Variants in CAMTA1 observed in about 807,000 individuals in gnomAD.
CAMTA1 encodes calmodulin binding transcription activator 1.
Under a neutral mutation model 170.9 loss-of-function variants are expected in CAMTA1, and 27 were observed. That is an observed-to-expected ratio of 0.16 (90% confidence interval 0.12 to 0.22). The LOEUF (loss-of-function observed/expected upper bound fraction) is 0.22, where lower values mean the gene tolerates loss of function less well. Ranked by LOEUF, CAMTA1 falls within the 10% of genes least tolerant of loss-of-function variation. The pLI is 1.00. For missense variants in CAMTA1, 1,619 were observed against 2,217.2 expected (o/e 0.73, Z 5.42); for synonymous variants, 833 against 891.5 (o/e 0.93, Z 1.17).
chr1:7,251,708 G>A lies in CAMTA1; in HGVS notation c.438+2082G>A, dbSNP rs1335943193. ...GTCAAGTTGAAGAGGCTTGAAGTACGTGAGGGTCATCAATAGTGCTGAGAC... is the reference window on the plus strand; with the variant it reads ...GTCAAGTTGAAGAGGCTTGAAGTACATGAGGGTCATCAATAGTGCTGAGAC... On this transcript the variant is annotated intron_variant, in intron 5 of 22. Coordinates refer to ENST00000303635, the MANE Select transcript of CAMTA1 (RefSeq NM_015215.4). The surrounding 1 kb of genome is among the most constrained non-coding windows in gnomAD (Gnocchi z 5.1). Among the ~76,000 whole-genome samples, 3 of 152,172 alleles carry A rather than the reference G, an allele frequency of 2.0e-5. No individual in the cohort carries two copies. The highest frequency in any genetic ancestry group is 4.8e-5 in the African/African-American group (2 of 41,444).
chr1:6,859,705 C>G (rs1663897255), intron 3 of CAMTA1, among the ~76,000 whole-genome samples: 1 of 152,198 alleles, frequency 6.6e-6, no homozygotes, highest in African/African-American at 2.4e-5. Context: ...GGGAGGATCA[C>G]TTGAGCCCAG....
At chr1:7,090,553 C>G (rs1310394842) in intron 3 of CAMTA1, among the ~76,000 whole-genome samples, 1 of 152,200 alleles carries the variant, frequency 6.6e-6, no homozygotes, top group African/African-American at 2.4e-5. Flanking sequence ...ATGCCTCGAG[C>G]TGGAGCAATG....
chr1:6,884,098 G>T (rs1331812944), intron 3 of CAMTA1, among the ~76,000 whole-genome samples: 1 of 152,074 alleles, frequency 6.6e-6, no homozygotes, highest in African/African-American at 2.4e-5. Context: ...CAGGGGAAGT[G>T]TTTAAAGGAA....
At chr1:7,654,814 CA>C (rs2095872373) in intron 7 of CAMTA1, among the ~76,000 whole-genome samples, 1 of 137,870 alleles carries the variant, frequency 7.3e-6, no homozygotes, top group African/African-American at 2.7e-5. Flanking sequence ...CACCCACACA[CA>C]CCACACACAC....
At chr1:7,076,134 G>A (rs577814102) in intron 3 of CAMTA1, among the ~76,000 whole-genome samples, 6 of 152,310 alleles carry the variant, frequency 3.9e-5, no homozygotes, top group Admixed American at 1.3e-4. Context: ...ATGCATCAGG[G>A]TTCCTCTCCT....
intron 5 of CAMTA1, among the ~76,000 whole-genome samples, chr1:7,358,857 G>A (rs2085331107): frequency 1.3e-5 from 2 of 152,130 alleles, no homozygotes; most frequent in South Asian, 2.1e-4. Context: ...GGGTGGCCCC[G>A]GCTTTGTCTC....
At chr1:7,210,709 T>C (rs915386581) in intron 4 of CAMTA1, among the ~76,000 whole-genome samples, 2 of 152,258 alleles carry the variant, frequency 1.3e-5, no homozygotes, top group Non-Finnish European at 2.9e-5. Flanking sequence ...TGTTTAGTAC[T>C]CTGTACCAAA....
At chr1:7,312,385 C>G (rs1676863540) in intron 5 of CAMTA1, among the ~76,000 whole-genome samples, 1 of 64,674 alleles carries the variant, frequency 1.5e-5, no homozygotes, top group Non-Finnish European at 2.7e-5. Flanking sequence ...TGAGCTGCAA[C>G]CAGAGCTTAC....
intron 5 of CAMTA1, among the ~76,000 whole-genome samples, chr1:7,404,205 G>A (rs1282981361): frequency 1.3e-5 from 2 of 152,182 alleles, no homozygotes; most frequent in Non-Finnish European, 2.9e-5. Context: ...ATGGCCCATT[G>A]GCCAACGAGC....
At chr1:7,075,768 T>C (rs1639216714) in intron 3 of CAMTA1, among the ~76,000 whole-genome samples, 1 of 152,034 alleles carries the variant, frequency 6.6e-6, no homozygotes, top group Admixed American at 6.6e-5. Flanking sequence ...GTTCAAGTGA[T>C]TCTTGTGCCT....
chr1:7,302,850 C>T (rs548937523), intron 5 of CAMTA1, among the ~76,000 whole-genome samples: 3 of 152,148 alleles, frequency 2.0e-5, no homozygotes, highest in East Asian at 1.9e-4. Flanking sequence ...CAGACCTGTG[C>T]GAGGCTGGCA....
intron 5 of CAMTA1, among the ~76,000 whole-genome samples, chr1:7,285,426 A>G (rs139762611): frequency 6.6e-6 from 1 of 152,102 alleles, no homozygotes; most frequent in South Asian, 2.1e-4. Context: ...GGCTGCCTCT[A>G]TGGGAACATT....
chr1:7,028,945 A>C (rs1269958193), intron 3 of CAMTA1, among the ~76,000 whole-genome samples: 1 of 152,222 alleles, frequency 6.6e-6, no homozygotes, highest in African/African-American at 2.4e-5. Context: ...GATATGGCAC[A>C]ATTTCAGAGA....
At chr1:7,691,294 G>A (rs1005225994) in intron 11 of CAMTA1, among the ~76,000 whole-genome samples, 1 of 152,214 alleles carries the variant, frequency 6.6e-6, no homozygotes. Context: ...TGAGGCAGAG[G>A]GGCAGGCAGT....
intron 3 of CAMTA1, among the ~76,000 whole-genome samples, chr1:6,880,866 AAAC>A (rs1671367006): frequency 6.6e-6 from 1 of 152,322 alleles, no homozygotes; most frequent in African/African-American, 2.4e-5. Flanking sequence ...ATGAAGCAAT[AAAC>A]AAAACCATGT....
chr1:6,873,969 C>G (rs534884644), intron 3 of CAMTA1: 11 of 152,360 alleles, frequency 7.2e-5, no homozygotes, highest in African/African-American at 2.6e-4. Context: ...AACAGAAAGA[C>G]TTCAGAAGAC....
intron 5 of CAMTA1, among the ~76,000 whole-genome samples, chr1:7,448,078 A>G (rs980873322): frequency 6.6e-6 from 1 of 152,194 alleles, no homozygotes; most frequent in Non-Finnish European, 1.5e-5. Flanking sequence ...GATCCTCCTC[A>G]TTCCAAACGC....
rs115210233 is a variant in CAMTA1, at chr1:7,482,409, G to A, written c.510+14508G>A. Among the ~76,000 whole-genome samples, 433 of 152,246 alleles carry A rather than the reference G, an allele frequency of 2.8e-3. 3 individuals are homozygous for A. The highest frequency in any genetic ancestry group is 9.9e-3 in the African/African-American group (410 of 41,526). On this transcript the variant is annotated intron_variant, in intron 6 of 22. Transcript: ENST00000303635. The surrounding 1 kb of genome is among the most constrained non-coding windows in gnomAD (Gnocchi z 4.2). ...TAGGCTCTCCCACAGCTGCCCCTAG[G>A]TCCAGCTGTGCCCCACGAGCACAAG... is the stretch of plus-strand genomic sequence containing the variant.
chr1:7,559,169 G>A lies in CAMTA1; in HGVS notation c.511-81231G>A, dbSNP rs568001057. 2.6e-4 allele frequency among the ~76,000 whole-genome samples: 39 copies of A among 152,284 alleles called. No individual in the cohort carries two copies. In the South Asian group the frequency reaches 3.1e-3, roughly 12 times the overall value. On this transcript the variant is annotated intron_variant, in intron 6 of 22. Transcript: ENST00000303635. ...ACGGAGGCCGGCTGTAGGCATTGCCGCCACCCGCCAAGAGGGGCCCGAGTG... is the reference window on the plus strand; with the variant it reads ...ACGGAGGCCGGCTGTAGGCATTGCCACCACCCGCCAAGAGGGGCCCGAGTG...
Sources: gnomAD v4.1 joint callset for allele counts (sites outside exome capture counted in the v4.1 genomes callset) on GRCh38, gnomAD v4.1.1 for gene constraint, Gnocchi (gnomAD v3.1) non-coding constraint, MANE v1.5 for transcripts, NCBI Gene and HGNC (gene_info 2026-07-23, HGNC 2026-07-21) for gene names.